LYRM4: variants seen among roughly 807,000 people sequenced by gnomAD.
The protein encoded by LYRM4 is LYR motif containing 4, also known as LYR motif-containing protein 4.
Under a neutral mutation model 11.7 loss-of-function variants are expected in LYRM4, and 9 were observed. The observed-to-expected ratio is 0.77, with a 90% CI of 0.46 to 1.34. The LOEUF is 1.34. LYRM4 is among the 40% of genes most tolerant of loss of function. The pLI, the probability that LYRM4 is intolerant of heterozygous loss-of-function variation, is 0.00. For synonymous variants in LYRM4, 42 were observed against 40.4 expected, an observed-to-expected ratio of 1.04 and a Z score of -0.15; for missense variants, 133 against 112.5, an observed-to-expected ratio of 1.18 and a Z score of -0.82.
intron 1 of LYRM4, among the ~76,000 whole-genome samples, chr6:5,254,115 G>C (rs1021175690): frequency 6.6e-6 from 1 of 152,202 alleles, no homozygotes; most frequent in Non-Finnish European, 1.5e-5. Flanking sequence ...GCAAATCCAT[G>C]AGATGCACTG....
At chr6:5,095,798 G>A in the LYRM4 span, among the ~76,000 whole-genome samples, 4,468 of 152,044 alleles carry the variant, frequency 0.029, 92 homozygotes, top group Non-Finnish European at 0.042. Context: ...TGGCCAACAT[G>A]GTGAAACCTC....
intron 2 of LYRM4, chr6:5,186,978 C>G (rs920683346): frequency 1.4e-6 from 1 of 721,580 alleles, no homozygotes; most frequent in African/African-American, 2.3e-5. Flanking sequence ...AGTGAGAGTC[C>G]ATCTTAAAAA....
chr6:5,062,654 A>G, the LYRM4 span, among the ~76,000 whole-genome samples: 1 of 152,180 alleles, frequency 6.6e-6, no homozygotes, highest in Non-Finnish European at 1.5e-5. Flanking sequence ...GTGAGCTGCC[A>G]GCTGGCTCTT....
At chr6:5,166,689 G>A (rs1477989311) in intron 2 of LYRM4, among the ~76,000 whole-genome samples, 2 of 152,168 alleles carry the variant, frequency 1.3e-5, no homozygotes, top group Non-Finnish European at 2.9e-5. Context: ...GGTTTCACAT[G>A]GTTACTTTTG....
rs1427452230 is a variant in LYRM4 at position 5,111,119 on chromosome 6, T to C, written c.208-1628A>G. ...TGGCATTGTCCTCCACCCTGAATAG[T>C]ACATGGTTTTGTTTTCATATATTAA... On this transcript the variant is annotated intron_variant, in intron 2 of 2. Coordinates refer to ENST00000330636, the MANE Select transcript of LYRM4 (RefSeq NM_020408.6). Among the ~76,000 whole-genome samples, 3 of 152,176 alleles carry C rather than the reference T, an allele frequency of 2.0e-5. 1 individual carries two copies. The highest frequency in any genetic ancestry group is 4.4e-5 in the Non-Finnish European group (3 of 68,032).
At chr6:5,099,117 G>C (rs953349033), downstream of LYRM4, among the ~76,000 whole-genome samples, 4 of 152,106 alleles carry the variant, frequency 2.6e-5, no homozygotes, top group African/African-American at 9.7e-5. This position sits in a 1 kb window ranked among gnomAD's most constrained non-coding sequence, Gnocchi z 4.3. Flanking sequence ...TTGTACCAGT[G>C]GGGGCTACAA....
At chr6:5,093,581 C>G in the LYRM4 span, among the ~76,000 whole-genome samples, 1 of 152,208 alleles carries the variant, frequency 6.6e-6, no homozygotes, top group African/African-American at 2.4e-5. Context: ...TCTGGTATAC[C>G]CAGCTATAAT....
the LYRM4 span, chr6:5,089,058 T>C: frequency 6.6e-6 from 1 of 152,154 alleles, no homozygotes; most frequent in South Asian, 2.1e-4. Flanking sequence ...AAACTGATCA[T>C]AGGAAAAAAA....
chr6:5,216,871 G>T, intron 1 of LYRM4, 133 bp from the exon 2 acceptor site: 1 of 1,090,884 alleles, frequency 9.2e-7, no homozygotes. Flanking sequence ...TTTGATCTTT[G>T]CTCGTGGCGC....
chr6:5,164,348 T>C (rs1758944503), intron 2 of LYRM4, among the ~76,000 whole-genome samples: 1 of 152,204 alleles, frequency 6.6e-6, no homozygotes, highest in African/African-American at 2.4e-5. Flanking sequence ...AATGAATACA[T>C]TGTGCTTTAT....
chr6:5,140,261 G>A (rs1257498064), intron 2 of LYRM4, among the ~76,000 whole-genome samples: 2 of 151,954 alleles, frequency 1.3e-5, no homozygotes, highest in Non-Finnish European at 2.9e-5. Flanking sequence ...ACGTGACTGT[G>A]CTGGAACCTC....
the LYRM4 span, among the ~76,000 whole-genome samples, chr6:5,059,011 T>C: frequency 0.29 from 44,675 of 151,968 alleles, 7,058 homozygotes; most frequent in African/African-American, 0.4. Flanking sequence ...TCTCCAGAGG[T>C]GACACTGCTA....
intron 1 of LYRM4, among the ~76,000 whole-genome samples, chr6:5,223,536 A>G (rs561447064): frequency 6.6e-6 from 1 of 152,338 alleles, no homozygotes; most frequent in Non-Finnish European, 1.5e-5. Context: ...TACTTGGTAT[A>G]AAGCCGAGTG....
intron 2 of LYRM4, among the ~76,000 whole-genome samples, chr6:5,125,764 G>A (rs747571544): frequency 6.6e-5 from 10 of 152,328 alleles, no homozygotes; most frequent in Middle Eastern, 3.4e-3. Context: ...AACCTTGAAG[G>A]CTTTGATGAT....
chr6:5,219,422 C>T (rs1035674720), intron 1 of LYRM4, among the ~76,000 whole-genome samples: 15 of 152,184 alleles, frequency 9.9e-5, no homozygotes, highest in African/African-American at 2.2e-4. Flanking sequence ...GATGCACTTT[C>T]GAGATGAATG....
At chr6:5,181,688 G>A (rs1475245266) in intron 2 of LYRM4, among the ~76,000 whole-genome samples, 3 of 152,082 alleles carry the variant, frequency 2.0e-5, no homozygotes, top group Non-Finnish European at 4.4e-5. Context: ...TCCCTGCCGA[G>A]CTCTCTCTAA....
intron 1 of LYRM4, among the ~76,000 whole-genome samples, chr6:5,254,851 C>T (rs1005268561): frequency 5.9e-5 from 9 of 152,178 alleles, no homozygotes; most frequent in Non-Finnish European, 1.2e-4. Context: ...CCTGCTCTAT[C>T]GGTTATCTAC....
intron 2 of LYRM4, among the ~76,000 whole-genome samples, chr6:5,154,008 A>C (rs935116728): frequency 6.6e-6 from 1 of 152,224 alleles, no homozygotes; most frequent in Non-Finnish European, 1.5e-5. Context: ...AAAGAAAATT[A>C]CCTGCTAAAT....
chr6:5,203,797 G>A (rs1451257322), intron 2 of LYRM4, among the ~76,000 whole-genome samples: 1 of 152,206 alleles, frequency 6.6e-6, no homozygotes, highest in African/African-American at 2.4e-5. Context: ...CGGCTGGAGA[G>A]CAGAAGCACA....
Sources: allele counts gnomAD v4.1 joint callset (sites outside exome capture counted in the v4.1 genomes callset), GRCh38; gene constraint gnomAD v4.1.1; non-coding constraint Gnocchi (gnomAD v3.1); transcripts MANE v1.5; gene names NCBI Gene and HGNC (gene_info 2026-07-23, HGNC 2026-07-21).